OIT3: variants seen among roughly 807,000 people sequenced by gnomAD.
The protein encoded by OIT3 is oncoprotein induced transcript 3.
Under a neutral mutation model 52.2 loss-of-function variants are expected in OIT3, and 41 were observed. The observed-to-expected ratio is 0.79, with a 90% confidence interval of 0.61 to 1.02. The LOEUF is 1.02. Among genes scored for constraint, OIT3 ranks in the 50% least tolerant of loss-of-function variants. The pLI, the probability that OIT3 is intolerant of heterozygous loss-of-function variation, is 0.00. For missense variants in OIT3, 634 were observed against 715.5 expected (o/e 0.89, Z 1.30); for synonymous variants, 244 against 276.9 (o/e 0.88, Z 1.18).
intron 4 of OIT3, among the ~76,000 whole-genome samples, chr10:72,909,310 G>A (rs1006681112): frequency 6.6e-6 from 1 of 151,858 alleles, no homozygotes; most frequent in Non-Finnish European, 1.5e-5. Context: ...TATAGAAACA[G>A]GGTTTCACCA....
In OIT3 at chr10:72,924,464, A is replaced by T. The variant is rs771992476; in HGVS notation, c.1187A>T (p.Asp396Val). 5.0e-5 allele frequency: 81 copies of T among 1,614,010 alleles called. No homozygotes were observed. The highest frequency in any genetic ancestry group is 6.5e-5 in the Non-Finnish European group (77 of 1,179,980). The stretch of plus-strand genomic sequence containing the variant: ...CCATTCACTCTGGAGATCTTCAAGG[A>T]CAATGAGTTTGAAGAGCCTTACCGG... ...IFPFTLEIFK[D>V]NEFEEPYREA... Residue 396 changes from aspartate (D) to valine (V), a missense_variant, in exon 7 of 9, where the codon GAC becomes GTC. Asp to Val is a radical substitution (Grantham distance 152). Transcript: ENST00000334011.
At chr10:72,913,802 T>TA (rs768114676) in intron 6 of OIT3, 8 of 396,558 alleles carry the variant, frequency 2.0e-5, no homozygotes, top group Non-Finnish European at 4.0e-5. Flanking sequence ...AAGCAACTAA[T>TA]ACAGTTGGTG....
intron 3 of OIT3, among the ~76,000 whole-genome samples, chr10:72,902,357 T>A (rs1269329802): frequency 6.6e-6 from 1 of 152,118 alleles, no homozygotes; most frequent in Non-Finnish European, 1.5e-5. Context: ...TTTAAATGGT[T>A]CCCAAATTAA....
rs1305578889 is a variant in OIT3 at position 72,913,387 on chromosome 10, C to T, written c.870C>T (p.Thr290=). 3 of 1,613,472 alleles carry T rather than the reference C, an allele frequency of 1.9e-6. No homozygotes were observed. The highest frequency in any genetic ancestry group is 1.7e-5 in the Admixed American group (1 of 59,974). Residue 290 remains threonine (T), a synonymous_variant, in exon 6 of 9, where the codon ACC becomes ACT. Coordinates refer to ENST00000334011, the MANE Select transcript of OIT3 (RefSeq NM_152635.3). ...ELVGGLELFL[T]NTSCRGVSNG... Reference sequence around the variant, plus strand: ...TTGGTGGCCTGGAGCTCTTCCTGACCAACACCTCCTGCCGAGGAGTGTCCA... The same window carrying T: ...TTGGTGGCCTGGAGCTCTTCCTGACTAACACCTCCTGCCGAGGAGTGTCCA...
intron 7 of OIT3, among the ~76,000 whole-genome samples, chr10:72,927,749 C>T (rs1480355934): frequency 1.3e-5 from 2 of 152,148 alleles, no homozygotes; most frequent in African/African-American, 4.8e-5. Context: ...AACTGTCACT[C>T]CTGAACACCC....
Position 72,898,738 on chromosome 10 carries a change from C to G in OIT3, c.136C>G (p.Gln46Glu). 2 of 1,614,050 alleles carry G rather than the reference C, an allele frequency of 1.2e-6. No homozygotes were observed. The highest frequency in any genetic ancestry group is 1.7e-6 in the Non-Finnish European group (2 of 1,179,916). Residue 46 changes from glutamine (Q) to glutamate (E), a missense_variant, in exon 2 of 9, where the codon CAA becomes GAA. Coordinates refer to ENST00000334011, the MANE Select transcript of OIT3 (RefSeq NM_152635.3). Reference sequence around the variant, plus strand: ...CACTGACCACCAGTTGGATGAGTCTCAAGGTCCTCCTCTATGTGACAACCA... The same window carrying G: ...CACTGACCACCAGTTGGATGAGTCTGAAGGTCCTCCTCTATGTGACAACCA... The part of the protein sequence containing the change: ...RNTDHQLDES[Q>E]GPPLCDNHVN...
At chr10:72,917,048 C>A (rs556139571) in intron 6 of OIT3, among the ~76,000 whole-genome samples, 1 of 152,006 alleles carries the variant, frequency 6.6e-6, no homozygotes, top group South Asian at 2.1e-4. Context: ...CTTTAAGTTT[C>A]TTGTAGATGC....
intron 1 of OIT3, among the ~76,000 whole-genome samples, chr10:72,896,734 G>A (rs567217908): frequency 5.3e-5 from 8 of 152,280 alleles, no homozygotes; most frequent in Non-Finnish European, 7.4e-5. Context: ...TTTTTGTGCA[G>A]TATTTGCTAA....
intron 3 of OIT3, among the ~76,000 whole-genome samples, chr10:72,902,477 T>C (rs1014951847): frequency 2.0e-5 from 3 of 152,232 alleles, no homozygotes; most frequent in African/African-American, 7.2e-5. Flanking sequence ...TTTTCTTATA[T>C]GTGCTTCCAG....
At chr10:72,921,511 A>G (rs1846121432) in intron 6 of OIT3, among the ~76,000 whole-genome samples, 1 of 152,036 alleles carries the variant, frequency 6.6e-6, no homozygotes, top group Non-Finnish European at 1.5e-5. Context: ...TTACCTTTGC[A>G]TATTTAGTGT....
At chr10:72,917,780 A>C in intron 6 of OIT3, 1 of 1,439,604 alleles carries the variant, frequency 6.9e-7, no homozygotes, top group African/African-American at 1.4e-5. Flanking sequence ...TTTTTGCTTT[A>C]ATGTCTTCTA....
At chr10:72,918,185 T>C (rs575104483) in intron 6 of OIT3, 2 of 1,080,914 alleles carry the variant, frequency 1.9e-6, no homozygotes, top group South Asian at 2.5e-5. Flanking sequence ...CCTCCACAGC[T>C]ACTAAGTGCT....
In OIT3 at chr10:72,924,548, T is replaced by C; in HGVS notation, c.1271T>C (p.Val424Ala). The change falls in exon 7 of 9, where the codon GTG becomes GCG. Residue 424 changes from valine to alanine, a missense_variant. Coordinates refer to ENST00000334011, the MANE Select transcript of OIT3 (RefSeq NM_152635.3). ...DSLYFGIEPV[V>A]HVSGLESLVE... ...CTCTACTTTGGCATTGAGCCCGTGG[T>C]GCACGTGAGCGGCTTGGAAAGCTTG... 6.2e-7 allele frequency: 1 copy of C among 1,614,194 alleles called. No individual in the cohort carries two copies. Among genetic ancestry groups the C allele is most frequent in the South Asian group, 1.1e-5 (1 of 91,090 alleles).
intron 3 of OIT3, among the ~76,000 whole-genome samples, chr10:72,903,135 T>C (rs775226404): frequency 2.6e-5 from 4 of 152,196 alleles, no homozygotes; most frequent in Non-Finnish European, 5.9e-5. Flanking sequence ...TTAAATTATA[T>C]AATTTGTTCA....
chr10:72,893,827 T>G lies in OIT3; in HGVS notation c.29T>G (p.Leu10Arg). The G allele has an allele frequency of 6.2e-7, 1 of 1,610,844 alleles. No homozygotes were observed. The highest frequency in any genetic ancestry group is 1.1e-5 in the South Asian group (1 of 90,154). Reference sequence around the variant, plus strand: ...CCTCCATTCCTGCTTCTCACCTGCCTCTTCATCACAGGCACCTCCGTGTCA... The same window carrying G: ...CCTCCATTCCTGCTTCTCACCTGCCGCTTCATCACAGGCACCTCCGTGTCA... The part of the protein sequence containing the change: MPPFLLLTC[L>R]FITGTSVSPV... Residue 10 changes from leucine to arginine, a missense_variant, in exon 1 of 9, where the codon CTC (leucine) becomes CGC (arginine). Physicochemically the swap from Leu to Arg is moderately radical, Grantham distance 102 (BLOSUM62 -2). Coordinates refer to ENST00000334011, the MANE Select transcript of OIT3 (RefSeq NM_152635.3).
intron 6 of OIT3, 87 bp from the exon 7 acceptor site, chr10:72,924,142 T>C (rs952538883): frequency 1.3e-5 from 15 of 1,166,706 alleles, no homozygotes; most frequent in Non-Finnish European, 1.8e-5. Context: ...TTGAGGTAGA[T>C]AGAATGTTAA....
chr10:72,911,327 C>T (rs1846026476), intron 4 of OIT3, among the ~76,000 whole-genome samples: 1 of 152,160 alleles, frequency 6.6e-6, no homozygotes, highest in South Asian at 2.1e-4. Flanking sequence ...CATATTCCAT[C>T]AGTCTCTTTT....
At chr10:72,919,057 A>G (rs1846099495) in intron 6 of OIT3, among the ~76,000 whole-genome samples, 1 of 152,206 alleles carries the variant, frequency 6.6e-6, no homozygotes, top group Non-Finnish European at 1.5e-5. Flanking sequence ...GCTTTGGGCA[A>G]TATGGTCATT....
At chr10:72,918,555 G>A in intron 6 of OIT3, 8 of 1,158,084 alleles carry the variant, frequency 6.9e-6, no homozygotes, top group Non-Finnish European at 1.0e-5. Flanking sequence ...CACACACTTA[G>A]GTGGGAGAGA....
Sources: gnomAD v4.1 joint callset for allele counts (sites outside exome capture counted in the v4.1 genomes callset) on GRCh38, gnomAD v4.1.1 for gene constraint, MANE v1.5 for transcripts, NCBI Gene and HGNC (gene_info 2026-07-23, HGNC 2026-07-21) for gene names.